BAIAP2L1: variants seen among roughly 807,000 people sequenced by gnomAD.
The protein encoded by BAIAP2L1 is BAR/IMD domain-containing adapter protein 2-like 1.
A neutral mutation model predicts 66.3 loss-of-function variants in BAIAP2L1; 35 were observed. The observed-to-expected ratio is 0.53, with a 90% confidence interval of 0.40 to 0.70. The LOEUF is 0.70. Among genes scored for constraint, BAIAP2L1 ranks in the 30% least tolerant of loss-of-function variants. BAIAP2L1 has a pLI of 0.00. For missense variants in BAIAP2L1, 622 were observed against 656.9 expected, an observed-to-expected ratio of 0.95 and a Z score of 0.58; for synonymous variants, 269 against 248.7, an observed-to-expected ratio of 1.08 and a Z score of -0.77.
intron 3 of BAIAP2L1, among the ~76,000 whole-genome samples, chr7:98,328,307 G>A (rs1274569390): frequency 6.6e-6 from 1 of 152,160 alleles, no homozygotes; most frequent in South Asian, 2.1e-4. Context: ...CCTCTATAGA[G>A]AACTCAAGGA....
intron 1 of BAIAP2L1, among the ~76,000 whole-genome samples, chr7:98,384,764 TCTCGGCTCACTGCAAC>T (rs917187056): frequency 8.3e-5 from 12 of 144,212 alleles, no homozygotes; most frequent in African/African-American, 2.8e-4. Context: ...GGTGGCACGA[TCTCGGCTCACTGCAAC>T]CTCGGCCTCC....
At chr7:98,327,641 C>A (rs945068097) in intron 3 of BAIAP2L1, among the ~76,000 whole-genome samples, 1 of 152,012 alleles carries the variant, frequency 6.6e-6, no homozygotes, top group Non-Finnish European at 1.5e-5. Flanking sequence ...CCACTGTACT[C>A]CAGCCTGGGT....
intron 8 of BAIAP2L1, 116 bp downstream of exon 8, chr7:98,311,981 G>T (rs996753217): frequency 1.9e-6 from 2 of 1,072,110 alleles, no homozygotes; most frequent in Non-Finnish European, 2.7e-6. Context: ...GGTGCGAAAA[G>T]GTGGTCCTGG....
At position 98,371,322 on chromosome 7, in the gene BAIAP2L1, CAT is replaced by C. The variant is rs142479926; in HGVS notation, c.52-8892_52-8891del. Among the ~76,000 whole-genome samples the C allele has an allele frequency of 9.7e-3, 1,472 of 152,242 alleles. 27 individuals are homozygous for C. The highest frequency in any genetic ancestry group is 0.033 in the African/African-American group (1,377 of 41,542). On this transcript the variant is annotated intron_variant, in intron 1 of 13. Transcript: ENST00000005260. ...TCATTTCCATCCAGGGAAGGGCATG[CAT>C]AGTTATGGTTGCACAATACATTCTA...
At chr7:98,353,602 TTATATG>T (rs1802052942) in intron 3 of BAIAP2L1, among the ~76,000 whole-genome samples, 2 of 138,314 alleles carry the variant, frequency 1.4e-5, no homozygotes, top group South Asian at 2.1e-4. Flanking sequence ...TATATGTATA[TTATATG>T]TATATTTATA....
intron 1 of BAIAP2L1, among the ~76,000 whole-genome samples, chr7:98,387,715 A>T (rs1802929986): frequency 1.3e-5 from 2 of 151,792 alleles, no homozygotes; most frequent in Admixed American, 1.3e-4. Context: ...AAAAAAAAAA[A>T]AATTAGCTGG....
intron 3 of BAIAP2L1, among the ~76,000 whole-genome samples, chr7:98,349,136 C>T (rs940749732): frequency 6.6e-6 from 1 of 152,168 alleles, no homozygotes; most frequent in Admixed American, 6.6e-5. Flanking sequence ...TGTGGTTGCC[C>T]ATGGAGGTTA....
intron 2 of BAIAP2L1, among the ~76,000 whole-genome samples, chr7:98,357,041 A>G (rs1802147339): frequency 1.1e-4 from 2 of 17,616 alleles, no homozygotes; most frequent in Admixed American, 1.3e-3. Context: ...ATATATATAT[A>G]TATATATATT....
At chr7:98,318,599 C>T (rs1398548430) in intron 5 of BAIAP2L1, among the ~76,000 whole-genome samples, 1 of 151,754 alleles carries the variant, frequency 6.6e-6, no homozygotes, top group African/African-American at 2.4e-5. Context: ...CTTAAACGGA[C>T]CCGCGTCAGA....
In BAIAP2L1 at chr7:98,400,938, G is replaced by A; in HGVS notation, c.-86C>T. The A allele has an allele frequency of 7.6e-7, 1 of 1,321,442 alleles. No homozygotes were observed. The highest frequency in any genetic ancestry group is 3.0e-5 in the East Asian group (1 of 33,476). The allele number at this position is 1,321,442 out of a possible 1,614,324, so 81.9% of individuals were successfully genotyped here. ...CTCCGGGCAGCGGGAGGGCCGGGGC[G>A]CGACTAAGGGGCTCTGGAGGGTCGG... On this transcript the variant is annotated 5_prime_UTR_variant, in exon 1 of 14. Transcript: ENST00000005260.
chr7:98,342,618 T>A (rs551616347), intron 3 of BAIAP2L1, among the ~76,000 whole-genome samples: 1 of 152,096 alleles, frequency 6.6e-6, no homozygotes, highest in Non-Finnish European at 1.5e-5. Context: ...CAAAATAACA[T>A]AGCCTAAATT....
intron 3 of BAIAP2L1, among the ~76,000 whole-genome samples, chr7:98,340,290 A>C (rs898984763): frequency 6.6e-6 from 1 of 151,792 alleles, no homozygotes; most frequent in Non-Finnish European, 1.5e-5. Context: ...AGTAATATTT[A>C]TTTCTTTATT....
chr7:98,387,881 AACAACAAC>A (rs2115830539), intron 1 of BAIAP2L1, among the ~76,000 whole-genome samples: 1 of 85,634 alleles, frequency 1.2e-5, no homozygotes, highest in Admixed American at 1.3e-4. Context: ...AACAAAACAA[AACAACAAC>A]AACAGAAACC....
intron 3 of BAIAP2L1, among the ~76,000 whole-genome samples, chr7:98,344,892 C>T (rs557835634): frequency 2.0e-5 from 3 of 152,152 alleles, no homozygotes; most frequent in East Asian, 1.9e-4. Context: ...GCTGAGATCG[C>T]GCCATTGTAC....
chr7:98,313,547 C>T (rs1800957607), intron 7 of BAIAP2L1, among the ~76,000 whole-genome samples: 1 of 152,054 alleles, frequency 6.6e-6, no homozygotes, highest in South Asian at 2.1e-4. Context: ...TCTACATTCC[C>T]GAAACTAGTA....
Position 98,315,721 on chromosome 7 carries a change from G to C in BAIAP2L1, c.487-109C>G, listed in dbSNP as rs1246317056. 5.4e-4 allele frequency: 244 copies of C among 452,510 alleles called. 1 individual carries two copies. Among genetic ancestry groups the C allele is most frequent in the Non-Finnish European group, 5.1e-5 (15 of 294,320 alleles). The allele number at this position is 452,510 out of a possible 1,614,324, so 28.0% of individuals were successfully genotyped here. A position where few individuals can be genotyped will look rare whatever the true frequency, so the allele number is the denominator to read the frequency against. On this transcript the variant is annotated intron_variant, in intron 6 of 13. Transcript: ENST00000005260. Reference sequence around the variant, plus strand: ...TGCCATCTTTACACCTGCTTTATTTGAATAATAGAGTAAATACATGAGAGG... The same window carrying C: ...TGCCATCTTTACACCTGCTTTATTTCAATAATAGAGTAAATACATGAGAGG...
rs369591130 is a variant in BAIAP2L1 at position 98,324,883 on chromosome 7, G to A, written c.215-4585C>T. ...TTACTAATGCACCTGAACTGCATAG[G>A]ACATGTAGGCATAAAGATTCTTTCC... On this transcript the variant is annotated intron_variant, in intron 3 of 13. Transcript: ENST00000005260. Among the ~76,000 whole-genome samples the A allele has an allele frequency of 1.2e-3, 181 of 152,326 alleles. 1 individual carries two copies. The highest frequency in any genetic ancestry group is 4.0e-3 in the African/African-American group (168 of 41,578).
chr7:98,327,446 G>A (rs55946416), intron 3 of BAIAP2L1, among the ~76,000 whole-genome samples: 38,213 of 152,062 alleles, frequency 0.25, 5,063 homozygotes, highest in East Asian at 0.45. Flanking sequence ...GGCCAAGGCA[G>A]GCGGATCACC....
intron 1 of BAIAP2L1, among the ~76,000 whole-genome samples, chr7:98,399,587 T>A (rs1803301291): frequency 1.3e-5 from 2 of 152,200 alleles, no homozygotes; most frequent in Admixed American, 6.6e-5. Context: ...AACATGCCTA[T>A]ACATGAACTT....
Sources: allele counts gnomAD v4.1 joint callset (sites outside exome capture counted in the v4.1 genomes callset), GRCh38; gene constraint gnomAD v4.1.1; transcripts MANE v1.5; gene names NCBI Gene and HGNC (gene_info 2026-07-23, HGNC 2026-07-21).